Variants in TMPRSS15 observed in about 807,000 individuals in gnomAD.
TMPRSS15 encodes transmembrane serine protease 15, also known as enteropeptidase.
A neutral mutation model predicts 125.3 loss-of-function variants in TMPRSS15; 128 were observed. The ratio of observed to expected loss-of-function variants is 1.02; its 90% CI spans 0.89 to 1.18. The LOEUF (loss-of-function observed/expected upper bound fraction) is 1.18. Among genes scored for constraint, TMPRSS15 ranks in the 50% most tolerant of loss-of-function variants. TMPRSS15 has a pLI of 0.00. For missense variants in TMPRSS15, 1,283 were observed against 1,212.7 expected, an observed-to-expected ratio of 1.06 and a Z score of -0.86; for synonymous variants, 446 against 423.2, an observed-to-expected ratio of 1.05 and a Z score of -0.66.
intron 1 of TMPRSS15, among the ~76,000 whole-genome samples, chr21:18,413,830 C>T (rs1044206330): frequency 1.3e-5 from 2 of 151,920 alleles, no homozygotes; most frequent in Admixed American, 6.6e-5. Context: ...TGGGCCCAAG[C>T]GATCCTCCCA....
In TMPRSS15 at chr21:18,424,573, C is replaced by T. The variant is rs116591235; in HGVS notation, c.11-26244G>A. On this transcript the variant is annotated intron_variant, in intron 1 of 7. Coordinates refer to the TMPRSS15 transcript ENST00000422787. ...ATGTTGTTTTGCTTAAAATAAGAAG[C>T]AAAAAATAAGCAAGTCCTTGATAGG... Among the ~76,000 whole-genome samples, 1,317 of 151,986 alleles carry T rather than the reference C, an allele frequency of 8.7e-3. 12 individuals are homozygous for T. The highest frequency in any genetic ancestry group is 0.03 in the African/African-American group (1,235 of 41,466).
intron 18 of TMPRSS15, among the ~76,000 whole-genome samples, chr21:18,303,301 G>C (rs146556032): frequency 6.6e-6 from 1 of 151,664 alleles, no homozygotes; most frequent in Non-Finnish European, 1.5e-5. Context: ...AACAGATAAT[G>C]GAAGAAAATC....
At chr21:18,448,430 A>T (rs931914135) in intron 1 of TMPRSS15, among the ~76,000 whole-genome samples, 1 of 152,154 alleles carries the variant, frequency 6.6e-6, no homozygotes, top group Admixed American at 6.5e-5. Context: ...CTTTCTTCAC[A>T]TTTCTTCTAC....
intron 3 of TMPRSS15, among the ~76,000 whole-genome samples, chr21:18,396,820 A>ATCTC (rs2076044521): frequency 9.3e-6 from 1 of 107,838 alleles, no homozygotes; most frequent in African/African-American, 3.4e-5. Flanking sequence ...CTATCTATCT[A>ATCTC]TCTATCTATC....
At chr21:18,359,940 G>C (rs771421004) in intron 7 of TMPRSS15, 77 bp from the exon 8 acceptor site, 67 of 721,202 alleles carry the variant, frequency 9.3e-5, no homozygotes, top group Non-Finnish European at 1.6e-4. Context: ...GAATTTGTAT[G>C]TGTTTTCTTG....
In TMPRSS15 at chr21:18,279,008, C is replaced by T; in HGVS notation, c.2720G>A (p.Gly907Glu). 1.3e-6 allele frequency: 2 copies of T among 1,527,618 alleles called. No homozygotes were observed. The highest frequency in any genetic ancestry group is 1.8e-5 in the Admixed American group (1 of 54,074). 94.6% of individuals were successfully genotyped at this position (1,527,618 alleles called of 1,614,324 possible). A position where few individuals can be genotyped will look rare whatever the true frequency, so the allele number is the denominator to read the frequency against. Residue 907 changes from glycine (G) to glutamate (E), a missense_variant, in exon 23 of 25, where the codon GGA becomes GAA. By Grantham distance (98) the Gly-to-Glu change is moderately conservative. Transcript: ENST00000284885. Reference protein sequence around the residue: ...LPEENQVFPPGRNCSIAGWGT... With the variant: ...LPEENQVFPPERNCSIAGWGT... ...CCAACCAGCAATAGAACAATTTCTT[C>T]CTGGAGGAAAAACTTGATTTTCTTC...
chr21:18,462,895 C>T (rs1485906135), intron 1 of TMPRSS15, among the ~76,000 whole-genome samples: 1 of 151,954 alleles, frequency 6.6e-6, no homozygotes, highest in Admixed American at 6.6e-5. Flanking sequence ...AGAGTGAGGG[C>T]CAATATTCAA....
At chr21:18,341,201 ACAG>A (rs1289427717) in intron 13 of TMPRSS15, among the ~76,000 whole-genome samples, 3 of 152,110 alleles carry the variant, frequency 2.0e-5, no homozygotes, top group African/African-American at 7.2e-5. Flanking sequence ...AGCTGGGACT[ACAG>A]GTATGCACCA....
chr21:18,398,386 T>C, intron 1 of TMPRSS15, 57 bp from the exon 2 acceptor site: 9 of 1,563,548 alleles, frequency 5.8e-6, no homozygotes, highest in Non-Finnish European at 7.9e-6. Flanking sequence ...TAGGAGAAAA[T>C]ATGCACATTC....
At chr21:18,354,766 G>A (rs1414435445) in intron 8 of TMPRSS15, among the ~76,000 whole-genome samples, 2 of 151,752 alleles carry the variant, frequency 1.3e-5, no homozygotes, top group South Asian at 2.1e-4. Context: ...GAAAAAAAGT[G>A]TTAACAAACA....
intron 23 of TMPRSS15, among the ~76,000 whole-genome samples, chr21:18,278,524 C>G (rs912653000): frequency 1.8e-4 from 28 of 152,068 alleles, no homozygotes; most frequent in Non-Finnish European, 2.8e-4. Flanking sequence ...TCGAGACCAT[C>G]CTGACCAACA....
At chr21:18,313,591 T>C (rs1416263047) in intron 17 of TMPRSS15, among the ~76,000 whole-genome samples, 1 of 151,886 alleles carries the variant, frequency 6.6e-6, no homozygotes, top group East Asian at 1.9e-4. Context: ...GAGTAAATTA[T>C]GGCCTCTAAA....
intron 6 of TMPRSS15, among the ~76,000 whole-genome samples, chr21:18,368,186 T>G (rs2075756782): frequency 1.3e-5 from 2 of 152,192 alleles, no homozygotes; most frequent in South Asian, 4.1e-4. Flanking sequence ...ATTTTAGTCA[T>G]TTTTCCCACC....
intron 1 of TMPRSS15, among the ~76,000 whole-genome samples, chr21:18,481,892 A>C (rs1978988277): frequency 6.6e-6 from 1 of 151,678 alleles, no homozygotes; most frequent in Non-Finnish European, 1.5e-5. Flanking sequence ...AATCAAAAAC[A>C]ATAGATGCAG....
intron 15 of TMPRSS15, among the ~76,000 whole-genome samples, chr21:18,326,960 T>C (rs1717961521): frequency 6.6e-6 from 1 of 152,202 alleles, no homozygotes; most frequent in Admixed American, 6.5e-5. Context: ...ACATATTCAG[T>C]ATTTTTTTGT....
intron 13 of TMPRSS15, among the ~76,000 whole-genome samples, chr21:18,337,138 C>T (rs934513011): frequency 6.6e-6 from 1 of 152,152 alleles, no homozygotes; most frequent in Non-Finnish European, 1.5e-5. Context: ...AAGTGACCTG[C>T]CCCCCTCAGC....
At chr21:18,291,054 T>G (rs2074827949) in intron 21 of TMPRSS15, among the ~76,000 whole-genome samples, 1 of 152,258 alleles carries the variant, frequency 6.6e-6, no homozygotes, top group South Asian at 2.1e-4. Context: ...AGCTTTCCTA[T>G]GCAGGAACTG....
At chr21:18,480,813 A>G (rs1019284747) in intron 1 of TMPRSS15, among the ~76,000 whole-genome samples, 1 of 151,886 alleles carries the variant, frequency 6.6e-6, no homozygotes. Context: ...GATAAAAGAT[A>G]TTAACTCTTG....
chr21:18,452,175 T>C (rs148545891), intron 1 of TMPRSS15, among the ~76,000 whole-genome samples: 3 of 152,196 alleles, frequency 2.0e-5, no homozygotes, highest in African/African-American at 7.2e-5. Flanking sequence ...TACATAGAGG[T>C]TGGATATGTT....
Sources: gnomAD v4.1 joint callset for allele counts (sites outside exome capture counted in the v4.1 genomes callset) on GRCh38, gnomAD v4.1.1 for gene constraint, MANE v1.5 for transcripts, NCBI Gene and HGNC (gene_info 2026-07-23, HGNC 2026-07-21) for gene names.